MRGPRE: variants seen among roughly 807,000 people sequenced by gnomAD.
MRGPRE encodes the protein MAS related GPR family member E.
For synonymous variants in MRGPRE, 229 were observed against 206.7 expected (o/e 1.11, Z -0.92); for missense variants, 466 against 433.4 (o/e 1.08, Z -0.67).
chr11:3,227,914 G>T lies in MRGPRE; in HGVS notation c.886C>A (p.Leu296Met), dbSNP rs941993600. The change falls in exon 2 of 2, where the codon CTG becomes ATG. Residue 296 changes from leucine (L) to methionine (M), a missense_variant. Physicochemically the swap from Leu to Met is conservative, Grantham distance 15 (BLOSUM62 2). Transcript: ENST00000389832. The part of the protein sequence containing the change: ...LQRALGDEAE[L>M]GAVRETSRRG... ...CGGGAGGTCTCCCTGACGGCCCCCA[G>T]CTCAGCCTCGTCTCCCAGCGCTCGC... 1 of 1,493,878 alleles carries T rather than the reference G, an allele frequency of 6.7e-7. No homozygotes were observed. Among genetic ancestry groups the T allele is most frequent in the Non-Finnish European group, 8.9e-7 (1 of 1,117,488 alleles). The allele number at this position is 1,493,878 out of a possible 1,614,324, so 92.5% of individuals were successfully genotyped here. A position where few individuals can be genotyped will look rare whatever the true frequency, so the allele number is the denominator to read the frequency against.
Position 3,225,307 on chromosome 11 carries a change from C to T in MRGPRE, c.*2554G>A, listed in dbSNP as rs568411993. Among the ~76,000 whole-genome samples the T allele has an allele frequency of 5.9e-5, 9 of 152,362 alleles. No individual in the cohort carries two copies. In the South Asian group the frequency reaches 8.3e-4, roughly 14 times the overall value. On this transcript the variant is annotated 3_prime_UTR_variant, in exon 2 of 2. Transcript: ENST00000389832. ...AATGTTGGCTGCCCCCAGGAGTAGC[C>T]GCCTGTTCTTGGGAATTCTGTGCTG... is the stretch of plus-strand genomic sequence containing the variant.
rs1355875039 is a variant in MRGPRE at position 3,226,534 on chromosome 11, G to T, written c.*1327C>A. On this transcript the variant is annotated 3_prime_UTR_variant, in exon 2 of 2. Transcript: ENST00000389832. ...GGAGCCTGAGGTGAACGCACTGTGTGGGCTGGGAGGGGCCCGGTGCAGCCG... is the reference window on the plus strand; with the variant it reads ...GGAGCCTGAGGTGAACGCACTGTGTTGGCTGGGAGGGGCCCGGTGCAGCCG... The T allele has an allele frequency of 6.6e-6, 1 of 152,318 alleles. No homozygotes were observed. Among genetic ancestry groups the T allele is most frequent in the African/African-American group, 2.4e-5 (1 of 41,454 alleles). The allele number at this position is 152,318 out of a possible 1,614,324, so 9.4% of individuals were successfully genotyped here.
rs146362537 is a variant in MRGPRE at position 3,231,581 on chromosome 11, G to A, written c.-62+560C>T. On this transcript the variant is annotated intron_variant, in intron 1 of 1. Coordinates refer to ENST00000389832, the MANE Select transcript of MRGPRE (RefSeq NM_001039165.4). This position sits in a 1 kb window ranked among gnomAD's most constrained non-coding sequence, Gnocchi z 4.7. ...AGGAGAAGGAGGGGAGGAGGCGGGG[G>A]AGGACGATGGAAGAGAACAGGAGGG... Among the ~76,000 whole-genome samples, 808 of 141,050 alleles carry A rather than the reference G, an allele frequency of 5.7e-3. 7 individuals carry two copies. The highest frequency in any genetic ancestry group is 0.02 in the African/African-American group (763 of 38,440). The allele number at this position is 141,050 out of a possible 152,430, so 92.5% of individuals were successfully genotyped here. A position where few individuals can be genotyped will look rare whatever the true frequency, so the allele number is the denominator to read the frequency against.
rs1194121797 is a variant in MRGPRE at position 3,229,086 on chromosome 11, C to T, written c.-61-226G>A. 1.3e-5 allele frequency among the ~76,000 whole-genome samples: 2 copies of T among 152,142 alleles called. No individual in the cohort carries two copies. The highest frequency in any genetic ancestry group is 2.9e-5 in the Non-Finnish European group (2 of 68,024). ...CCTCCCCTCCCCATGGTTACCTGGC[C>T]TCAAGAGCCTTCCGTGGGGCTGGTC... On this transcript the variant is annotated intron_variant, in intron 1 of 1. Coordinates refer to ENST00000389832, the MANE Select transcript of MRGPRE (RefSeq NM_001039165.4). This position sits in a 1 kb window ranked among gnomAD's most constrained non-coding sequence, Gnocchi z 4.4.
In MRGPRE at chr11:3,227,789, T is replaced by C; in HGVS notation, c.*72A>G. 1 of 1,289,488 alleles carries C rather than the reference T, an allele frequency of 7.8e-7. No homozygotes were observed. The highest frequency in any genetic ancestry group is 1.7e-5 in the South Asian group (1 of 58,570). The allele number at this position is 1,289,488 out of a possible 1,614,324, so 79.9% of individuals were successfully genotyped here. A position where few individuals can be genotyped will look rare whatever the true frequency, so the allele number is the denominator to read the frequency against. The stretch of plus-strand genomic sequence containing the variant: ...TCCAGGTCCGGCTGGCCCCAGCCTC[T>C]GACCCCACCACCTTCCCCAAGTCAC... On this transcript the variant is annotated 3_prime_UTR_variant, in exon 2 of 2. Transcript: ENST00000389832.
At position 3,227,502 on chromosome 11, in the gene MRGPRE, T is replaced by C. The variant is rs1847775388; in HGVS notation, c.*359A>G. ...CCTGCCCCTCACCTGGCGTCTGGCC[T>C]TGCTTCCTTGCTTTCCGGGGTCTCC... On this transcript the variant is annotated 3_prime_UTR_variant, in exon 2 of 2. Coordinates refer to ENST00000389832, the MANE Select transcript of MRGPRE (RefSeq NM_001039165.4). Among the ~76,000 whole-genome samples the C allele has an allele frequency of 6.6e-6, 1 of 152,128 alleles. No homozygotes were observed. Among genetic ancestry groups the C allele is most frequent in the Non-Finnish European group, 1.5e-5 (1 of 68,006 alleles).
rs1847777831 is a variant in MRGPRE at position 3,227,718 on chromosome 11, G to A, written c.*143C>T. 3.1e-6 allele frequency: 2 copies of A among 648,444 alleles called. No homozygotes were observed. The highest frequency in any genetic ancestry group is 4.9e-6 in the Non-Finnish European group (2 of 410,928). The allele number at this position is 648,444 out of a possible 1,614,324, so 40.2% of individuals were successfully genotyped here. ...GGGAGCCTCATGCTCCAGACCAAGG[G>A]TCACAACTTTGACAGCACATGACCG... On this transcript the variant is annotated 3_prime_UTR_variant, in exon 2 of 2. Transcript: ENST00000389832.
rs888440379 is a variant in MRGPRE at position 3,228,165 on chromosome 11, G to A, written c.635C>T (p.Pro212Leu). 2.5e-6 allele frequency: 4 copies of A among 1,570,964 alleles called. No individual in the cohort carries two copies. Among genetic ancestry groups the A allele is most frequent in the Non-Finnish European group, 3.5e-6 (4 of 1,158,426 alleles). The change falls in exon 2 of 2, where the codon CCC (proline) becomes CTC (leucine). Residue 212 changes from proline to leucine, a missense_variant. Pro to Leu is a moderately conservative substitution (Grantham distance 98). Coordinates refer to ENST00000389832, the MANE Select transcript of MRGPRE (RefSeq NM_001039165.4). ...RVERGPQRPP[P>L]RGFPGLILLT... ...GAGGATGAGCCCAGGGAAGCCCCGGGGTGGGGGCCGCTGGGGGCCTCGCTC... is the reference window on the plus strand; with the variant it reads ...GAGGATGAGCCCAGGGAAGCCCCGGAGTGGGGGCCGCTGGGGGCCTCGCTC...
rs750882336 is a variant in MRGPRE at position 3,228,719 on chromosome 11, G to T, written c.81C>A (p.Ile27=). Residue 27 remains isoleucine, a synonymous_variant, in exon 2 of 2, where the codon ATC becomes ATA. Transcript: ENST00000389832. ...GGCCGAGCCCCTCGGTGAGGGACAG[G>T]ATGATGAGGTTGAAGGCCACATCCT... The part of the protein sequence containing the change: ...AQEDVAFNLI[I]LSLTEGLGLG... 6.2e-7 allele frequency: 1 copy of T among 1,613,938 alleles called. No individual in the cohort carries two copies.
Position 3,225,187 on chromosome 11 carries a change from C to T in MRGPRE, c.*2674G>A, listed in dbSNP as rs530752538. The stretch of plus-strand genomic sequence containing the variant: ...CTGGGGAGGGGATAGGGAAGCTGGC[C>T]GCAGGCCTGTCTCCGCTCCTGTCCT... On this transcript the variant is annotated 3_prime_UTR_variant, in exon 2 of 2. Coordinates refer to ENST00000389832, the MANE Select transcript of MRGPRE (RefSeq NM_001039165.4). Among the ~76,000 whole-genome samples the T allele has an allele frequency of 1.3e-5, 2 of 152,350 alleles. No individual in the cohort carries two copies. Among genetic ancestry groups the T allele is most frequent in the Non-Finnish European group, 2.9e-5 (2 of 68,032 alleles).
Position 3,230,020 on chromosome 11 carries a change from A to C in MRGPRE, c.-61-1160T>G, listed in dbSNP as rs973918991. On this transcript the variant is annotated intron_variant, in intron 1 of 1. Coordinates refer to ENST00000389832, the MANE Select transcript of MRGPRE (RefSeq NM_001039165.4). This position sits in a 1 kb window ranked among gnomAD's most constrained non-coding sequence, Gnocchi z 5.5. Reference sequence around the variant, plus strand: ...CAAATCCCAGGGGACCTAGGCTGGAATCGGAGTCTTCATCACAGCTTTGCC... The same window carrying C: ...CAAATCCCAGGGGACCTAGGCTGGACTCGGAGTCTTCATCACAGCTTTGCC... Among the ~76,000 whole-genome samples, 19 of 152,172 alleles carry C rather than the reference A, an allele frequency of 1.2e-4. No individual in the cohort carries two copies. Among genetic ancestry groups the C allele is most frequent in the African/African-American group, 4.1e-4 (17 of 41,424 alleles).
chr11:3,228,968 C>A (rs1295766825), intron 1 of MRGPRE, 108 bp from the exon 2 acceptor site: 2 of 598,688 alleles, frequency 3.3e-6, no homozygotes, highest in African/African-American at 1.9e-5. Context: ...ATGGTGAGAC[C>A]CTCCAGGAGA....
At position 3,229,490 on chromosome 11, in the gene MRGPRE, A is replaced by C. The variant is rs1268069493; in HGVS notation, c.-61-630T>G. 6.6e-6 allele frequency among the ~76,000 whole-genome samples: 1 copy of C among 152,154 alleles called. No homozygotes were observed. Among genetic ancestry groups the C allele is most frequent in the Non-Finnish European group, 1.5e-5 (1 of 68,012 alleles). ...TCCGCCTGCCTTGGACTCCCAAAGA[A>C]TAAAATATGACTTATTTTAAAGTCA... is the stretch of plus-strand genomic sequence containing the variant. On this transcript the variant is annotated intron_variant, in intron 1 of 1. Transcript: ENST00000389832. This position sits in a 1 kb window ranked among gnomAD's most constrained non-coding sequence, Gnocchi z 4.4.
chr11:3,227,689 C>T lies in MRGPRE; in HGVS notation c.*172G>A, dbSNP rs1231183760. ...GAGACCTTGCCTTTCCAGCTGCCTC[C>T]CAGGGGAGCCTCATGCTCCAGACCA... is the stretch of plus-strand genomic sequence containing the variant. On this transcript the variant is annotated 3_prime_UTR_variant, in exon 2 of 2. Transcript: ENST00000389832. 3.8e-6 allele frequency: 2 copies of T among 527,104 alleles called. No individual in the cohort carries two copies. The highest frequency in any genetic ancestry group is 7.2e-5 in the Admixed American group (2 of 27,758). The allele number at this position is 527,104 out of a possible 1,614,324, so 32.7% of individuals were successfully genotyped here.
In MRGPRE at chr11:3,227,175, A is replaced by T. The variant is rs1381517740; in HGVS notation, c.*686T>A. 3.3e-5 allele frequency among the ~76,000 whole-genome samples: 5 copies of T among 152,076 alleles called. No homozygotes were observed. The highest frequency in any genetic ancestry group is 3.3e-4 in the Admixed American group (5 of 15,272). ...CAGGCTGCTGGGTGGGGCTGTAAGA[A>T]GCCTCTCCACCCACCCAGGGTGCAC... On this transcript the variant is annotated 3_prime_UTR_variant, in exon 2 of 2. Transcript: ENST00000389832.
rs935261051 is a variant in MRGPRE, at chr11:3,228,735, G to T, written c.65C>A (p.Ala22Asp). ...GAANGAQEDV[A>D]FNLIILSLTE... ...GAGGGACAGGATGATGAGGTTGAAG[G>T]CCACATCCTCCTGGGCGCCGTTGGC... The change falls in exon 2 of 2, where the codon GCC (alanine) becomes GAC (aspartate). Residue 22 changes from alanine to aspartate, a missense_variant. Coordinates refer to ENST00000389832, the MANE Select transcript of MRGPRE (RefSeq NM_001039165.4). The T allele has an allele frequency of 1.2e-6, 2 of 1,613,652 alleles. No individual in the cohort carries two copies. The highest frequency in any genetic ancestry group is 1.1e-5 in the South Asian group (1 of 91,064).
rs1847751791 is a variant in MRGPRE, at chr11:3,225,722, T to C, written c.*2139A>G. 6.6e-6 allele frequency among the ~76,000 whole-genome samples: 1 copy of C among 152,198 alleles called. No homozygotes were observed. The highest frequency in any genetic ancestry group is 2.4e-5 in the African/African-American group (1 of 41,458). On this transcript the variant is annotated 3_prime_UTR_variant, in exon 2 of 2. Coordinates refer to ENST00000389832, the MANE Select transcript of MRGPRE (RefSeq NM_001039165.4). Reference sequence around the variant, plus strand: ...CAGCATCCTGGGCCATCAGGCCATATACCTGCTGCCACAGCAGCTACTAGA... The same window carrying C: ...CAGCATCCTGGGCCATCAGGCCATACACCTGCTGCCACAGCAGCTACTAGA...
At position 3,228,166 on chromosome 11, in the gene MRGPRE, G is replaced by T. The variant is rs1220987620; in HGVS notation, c.634C>A (p.Pro212Thr). The stretch of plus-strand genomic sequence containing the variant: ...AGGATGAGCCCAGGGAAGCCCCGGG[G>T]TGGGGGCCGCTGGGGGCCTCGCTCC... ...RVERGPQRPP[P>T]RGFPGLILLT... Residue 212 changes from proline to threonine, a missense_variant, in exon 2 of 2, where the codon CCC becomes ACC. Physicochemically the swap from Pro to Thr is conservative, Grantham distance 38 (BLOSUM62 -1). Transcript: ENST00000389832. 6.4e-7 allele frequency: 1 copy of T among 1,571,008 alleles called. No homozygotes were observed. Among genetic ancestry groups the T allele is most frequent in the South Asian group, 1.2e-5 (1 of 85,960 alleles).
rs561958693 is a variant in MRGPRE at position 3,229,706 on chromosome 11, A to G, written c.-61-846T>C. 6.6e-6 allele frequency among the ~76,000 whole-genome samples: 1 copy of G among 152,290 alleles called. No homozygotes were observed. Among genetic ancestry groups the G allele is most frequent in the African/African-American group, 2.4e-5 (1 of 41,574 alleles). On this transcript the variant is annotated intron_variant, in intron 1 of 1. Coordinates refer to ENST00000389832, the MANE Select transcript of MRGPRE (RefSeq NM_001039165.4). The surrounding 1 kb of genome is among the most constrained non-coding windows in gnomAD (Gnocchi z 4.4). ...CCCAGCCCTCCAGCTTGGTCACACC[A>G]TGCAGCCACATCAGGGCCACAGGAA...
Sources: allele counts gnomAD v4.1 joint callset (sites outside exome capture counted in the v4.1 genomes callset), GRCh38; gene constraint gnomAD v4.1.1; non-coding constraint Gnocchi (gnomAD v3.1); transcripts MANE v1.5; gene names NCBI Gene and HGNC (gene_info 2026-07-23, HGNC 2026-07-21).